The following PDPN variants were observed in gnomAD, a reference collection of about 807,000 sequenced individuals.
PDPN encodes PA2.26 antigen.
In PDPN, 12 loss-of-function variants were observed where a neutral mutation model predicts 23.2. The ratio of observed to expected loss-of-function variants is 0.52; its 90% CI spans 0.33 to 0.84. The LOEUF (loss-of-function observed/expected upper bound fraction) is 0.84. Ranked by LOEUF, PDPN falls within the 40% of genes least tolerant of loss-of-function variation. PDPN has a pLI of 0.02. For synonymous variants in PDPN, 77 were observed against 76.7 expected (o/e 1.00, Z -0.02); for missense variants, 199 against 212.2 (o/e 0.94, Z 0.39).
chr1:13,608,404 A>G (rs1420580448), intron 2 of PDPN, among the ~76,000 whole-genome samples: 1 of 152,178 alleles, frequency 6.6e-6, no homozygotes, highest in South Asian at 2.1e-4. Context: ...CTGCCTGCCT[A>G]TCTGACCTGT....
intron 1 of PDPN, among the ~76,000 whole-genome samples, chr1:13,605,872 T>C (rs1415355205): frequency 6.6e-6 from 1 of 152,144 alleles, no homozygotes; most frequent in Non-Finnish European, 1.5e-5. Context: ...CCGCCCGCCT[T>C]GGCCTCCTAA....
chr1:13,601,958 G>T (rs1640651183), intron 1 of PDPN, among the ~76,000 whole-genome samples: 1 of 151,444 alleles, frequency 6.6e-6, no homozygotes. Flanking sequence ...AAAGATGTAG[G>T]CCGGGTGCGG....
intron 1 of PDPN, among the ~76,000 whole-genome samples, chr1:13,604,314 C>T (rs559881195): frequency 6.6e-5 from 10 of 152,220 alleles, no homozygotes; most frequent in Non-Finnish European, 1.0e-4. Flanking sequence ...AGTAGGAACT[C>T]TTCACCCAGG....
intron 1 of PDPN, chr1:13,585,314 CAG>C: frequency 3.6e-6 from 1 of 275,930 alleles, no homozygotes; most frequent in Non-Finnish European, 6.8e-6. Flanking sequence ...AGGGAAATGA[CAG>C]AGTTCTGCTC....
intron 1 of PDPN, among the ~76,000 whole-genome samples, chr1:13,594,562 T>C (rs927503531): frequency 6.6e-6 from 1 of 152,032 alleles, no homozygotes; most frequent in African/African-American, 2.4e-5. Flanking sequence ...GGTTTGAGAG[T>C]CTGAATAGAT....
intron 1 of PDPN, among the ~76,000 whole-genome samples, chr1:13,595,001 A>AG (rs1640454157): frequency 6.7e-6 from 1 of 150,262 alleles, no homozygotes; most frequent in African/African-American, 2.4e-5. Flanking sequence ...TCTCAAAAAA[A>AG]AAAAAAAGAA....
At chr1:13,602,971 G>C (rs1408132299) in intron 1 of PDPN, among the ~76,000 whole-genome samples, 2 of 151,976 alleles carry the variant, frequency 1.3e-5, no homozygotes, top group Non-Finnish European at 2.9e-5. Context: ...TTGAACCCAG[G>C]AGTTTAAGAG....
chr1:13,603,882 C>T (rs1640713842), intron 1 of PDPN, among the ~76,000 whole-genome samples: 1 of 152,190 alleles, frequency 6.6e-6, no homozygotes, highest in Non-Finnish European at 1.5e-5. Flanking sequence ...CCACCGCGCC[C>T]AGCCCTGCCT....
chr1:13,615,433 G>C (rs1270988374), intron 5 of PDPN, among the ~76,000 whole-genome samples: 2 of 151,812 alleles, frequency 1.3e-5, no homozygotes, highest in Non-Finnish European at 2.9e-5. Context: ...CTACAGGCAT[G>C]CACCACCACA....
At chr1:13,598,176 T>C (rs1003719223) in intron 1 of PDPN, among the ~76,000 whole-genome samples, 3 of 151,986 alleles carry the variant, frequency 2.0e-5, no homozygotes, top group African/African-American at 7.2e-5. Flanking sequence ...CCACCACGCC[T>C]GGCTAATTTT....
chr1:13,612,517 C>G (rs538196794), intron 3 of PDPN, among the ~76,000 whole-genome samples: 11 of 152,146 alleles, frequency 7.2e-5, no homozygotes, highest in African/African-American at 2.4e-4. Context: ...TGACTTCTAT[C>G]AGTGACATTT....
In PDPN at chr1:13,614,365, G is replaced by T. The variant is rs1570063594; in HGVS notation, c.436G>T (p.Gly146Cys). ...VGVLLAIGFI[G>C]AIIVVVMRKM... The stretch of plus-strand genomic sequence containing the variant: ...GGTCTTACTAGCCATCGGCTTCATT[G>T]GTGCAATCATCGTTGTGGTTATGCG... Residue 146 changes from glycine (G) to cysteine (C), a missense_variant, in exon 5 of 6, where the codon GGT becomes TGT. Physicochemically the swap from Gly to Cys is radical, Grantham distance 159. Coordinates refer to ENST00000621990, the MANE Select transcript of PDPN (RefSeq NM_006474.5). 6.2e-7 allele frequency: 1 copy of T among 1,609,618 alleles called. No homozygotes were observed.
At chr1:13,589,273 C>T (rs1311566163) in intron 1 of PDPN, among the ~76,000 whole-genome samples, 1 of 152,188 alleles carries the variant, frequency 6.6e-6, no homozygotes, top group Non-Finnish European at 1.5e-5. Flanking sequence ...AAGGGCATGC[C>T]TTGGACAGCA....
At chr1:13,590,898 A>G (rs1163324850) in intron 1 of PDPN, among the ~76,000 whole-genome samples, 2 of 151,978 alleles carry the variant, frequency 1.3e-5, no homozygotes, top group Admixed American at 1.3e-4. Context: ...CAGGAGGTAA[A>G]GAGACAAAAT....
At chr1:13,614,167 C>T in intron 4 of PDPN, 133 bp from the exon 5 acceptor site, 1 of 596,970 alleles carries the variant, frequency 1.7e-6, no homozygotes, top group Non-Finnish European at 3.0e-6. Context: ...GGAAGAAATG[C>T]TCCATGCTCA....
In PDPN at chr1:13,614,423, G is replaced by A. The variant is rs778684305; in HGVS notation, c.482+12G>A. 2 of 1,275,314 alleles carry A rather than the reference G, an allele frequency of 1.6e-6. No individual in the cohort carries two copies. The highest frequency in any genetic ancestry group is 3.4e-5 in the Admixed American group (2 of 58,434). The allele number at this position is 1,275,314 out of a possible 1,614,324, so 79.0% of individuals were successfully genotyped here. On this transcript the variant is annotated intron_variant, in intron 5 of 5. Transcript: ENST00000621990. ...TCGGGAAGGTACTCGTAAGTAAATA[G>A]CTTACACCCATGTGATAGGCAAATG...
upstream of PDPN, chr1:13,583,813 C>T: frequency 1.3e-6 from 2 of 1,546,704 alleles, no homozygotes. Context: ...TAAATGCTGA[C>T]TCCGCTCGGA....
chr1:13,588,930 G>T (rs1640258069), intron 1 of PDPN, among the ~76,000 whole-genome samples: 1 of 110,724 alleles, frequency 9.0e-6, no homozygotes, highest in African/African-American at 3.7e-5. Flanking sequence ...CTCCCAGAGG[G>T]CTGGGATTAC....
intron 3 of PDPN, among the ~76,000 whole-genome samples, chr1:13,613,010 G>A (rs1259725273): frequency 6.6e-6 from 1 of 151,944 alleles, no homozygotes; most frequent in Admixed American, 6.6e-5. Context: ...TTTTAAATAG[G>A]TTATTGCATA....
Sources: allele counts gnomAD v4.1 joint callset (sites outside exome capture counted in the v4.1 genomes callset), GRCh38; gene constraint gnomAD v4.1.1; transcripts MANE v1.5; gene names NCBI Gene and HGNC (gene_info 2026-07-23, HGNC 2026-07-21).